Variants in SUMF1 observed in about 807,000 individuals in gnomAD.
SUMF1 encodes the protein formylglycine-generating enzyme.
A neutral mutation model predicts 47.6 loss-of-function variants in SUMF1; 48 were observed. That is an observed-to-expected ratio of 1.01 (90% CI 0.80 to 1.28). The LOEUF is 1.28. Ranked by LOEUF, SUMF1 falls within the 50% of genes most tolerant of loss-of-function variation. The probability of loss-of-function intolerance (pLI) is 0.00; values close to 1 mark genes in which losing one functional copy is unlikely to be tolerated. For missense variants in SUMF1, 571 were observed against 485.4 expected (o/e 1.18, Z -1.66); for synonymous variants, 230 against 192.1 (o/e 1.20, Z -1.63).
At chr3:4,278,355 T>C (rs536310716) in intron 8 of SUMF1, among the ~76,000 whole-genome samples, 7 of 152,130 alleles carry the variant, frequency 4.6e-5, no homozygotes, top group East Asian at 3.8e-4. Flanking sequence ...TCATAGGACA[T>C]GCATTAATCT....
intron 8 of SUMF1, among the ~76,000 whole-genome samples, chr3:4,206,265 G>C (rs536680313): frequency 4.2e-4 from 64 of 151,956 alleles, no homozygotes; most frequent in African/African-American, 1.4e-3. Flanking sequence ...TGCCCCAGCT[G>C]TATCTCACTG....
Position 4,410,875 on chromosome 3 carries a change from G to A in SUMF1, c.944C>T (p.Thr315Met), listed in dbSNP as rs146164667. 4.8e-5 allele frequency: 78 copies of A among 1,613,730 alleles called. 1 individual carries two copies. Among genetic ancestry groups the A allele is most frequent in the South Asian group, 5.5e-5 (5 of 91,082 alleles). ...WWTVHHSVEE[T>M]LNPKGPPSGK... ...GTGAATAATACTCACTGGGTTAAGCGTTTCTTCAACAGAATGATGAACAGT... is the reference window on the plus strand; with the variant it reads ...GTGAATAATACTCACTGGGTTAAGCATTTCTTCAACAGAATGATGAACAGT... Residue 315 changes from threonine to methionine, a missense_variant, in exon 7 of 9, where the codon ACG (threonine) becomes ATG (methionine). Transcript: ENST00000272902.
At chr3:4,357,912 C>T (rs1362216157), downstream of SUMF1, among the ~76,000 whole-genome samples, 1 of 152,002 alleles carries the variant, frequency 6.6e-6, no homozygotes, top group Non-Finnish European at 1.5e-5. Context: ...CTGGCCCCGA[C>T]CAACTCTTAC....
chr3:4,072,846 A>C (rs1692307851), intron 8 of SUMF1, among the ~76,000 whole-genome samples: 1 of 152,226 alleles, frequency 6.6e-6, no homozygotes, highest in South Asian at 2.1e-4. Flanking sequence ...GAAAAGACCA[A>C]ACCTACGTTT....
chr3:4,037,597 T>G (rs906848256), intron 9 of SUMF1, among the ~76,000 whole-genome samples: 8 of 152,198 alleles, frequency 5.3e-5, no homozygotes, highest in African/African-American at 1.9e-4. Context: ...TGGATTTTGC[T>G]GTTCTCCCAA....
At chr3:4,421,529 G>C (rs1325717074) in intron 3 of SUMF1, among the ~76,000 whole-genome samples, 1 of 152,124 alleles carries the variant, frequency 6.6e-6, no homozygotes, top group East Asian at 1.9e-4. Flanking sequence ...CCCTAGGCTG[G>C]AGAACAGTGG....
intron 8 of SUMF1, among the ~76,000 whole-genome samples, chr3:4,252,380 C>A (rs946562403): frequency 4.7e-5 from 7 of 148,692 alleles, no homozygotes; most frequent in Non-Finnish European, 7.4e-5. Context: ...ACACACACAC[C>A]CCACTGGCTG....
At chr3:4,174,681 G>C (rs1694918302) in intron 8 of SUMF1, among the ~76,000 whole-genome samples, 1 of 152,142 alleles carries the variant, frequency 6.6e-6, no homozygotes, top group African/African-American at 2.4e-5. Flanking sequence ...CATTGGGACT[G>C]GTTGGACAGT....
rs528015161 is a variant in SUMF1 at position 4,199,609 on chromosome 3, G to C, written c.1015-130864C>G. Among the ~76,000 whole-genome samples, 3 of 152,206 alleles carry C rather than the reference G, an allele frequency of 2.0e-5. No individual in the cohort carries two copies. In the South Asian group the frequency reaches 6.2e-4, roughly 32 times the overall value. On this transcript the variant is annotated intron_variant and NMD_transcript_variant, in intron 8 of 12. Coordinates refer to the SUMF1 transcript ENST00000448413. ...CCATCAGCAATGTATGAGGGCTCCA[G>C]TTTCTTCATAAATCTAAATAACACA...
At chr3:4,417,904 T>C in intron 5 of SUMF1, 106 bp downstream of exon 5, 1 of 1,568,898 alleles carries the variant, frequency 6.4e-7, no homozygotes, top group Non-Finnish European at 8.7e-7. Flanking sequence ...AGAATTATTG[T>C]CGTTATTAAC....
At chr3:4,264,366 C>T (rs1018719932) in intron 8 of SUMF1, among the ~76,000 whole-genome samples, 6 of 152,162 alleles carry the variant, frequency 3.9e-5, no homozygotes, top group East Asian at 1.9e-4. Flanking sequence ...CAAGCCATCG[C>T]GTTCATATTA....
intron 8 of SUMF1, among the ~76,000 whole-genome samples, chr3:4,281,096 G>A (rs972333663): frequency 1.3e-5 from 2 of 152,090 alleles, no homozygotes; most frequent in African/African-American, 2.4e-5. Flanking sequence ...GAAAAGCAGG[G>A]ACTGGGACTT....
intron 3 of SUMF1, among the ~76,000 whole-genome samples, chr3:4,431,371 T>A (rs1025774293): frequency 6.6e-6 from 1 of 152,232 alleles, no homozygotes; most frequent in Admixed American, 6.5e-5. Context: ...TTGAGTGGTG[T>A]CTTTGCTTTA....
chr3:4,049,312 G>A (rs912543015), intron 9 of SUMF1, among the ~76,000 whole-genome samples: 1 of 152,128 alleles, frequency 6.6e-6, no homozygotes, highest in Non-Finnish European at 1.5e-5. Flanking sequence ...AGGTAATGCT[G>A]TATCACTTCT....
At chr3:4,252,906 T>A (rs1386423382) in intron 8 of SUMF1, among the ~76,000 whole-genome samples, 3 of 152,198 alleles carry the variant, frequency 2.0e-5, no homozygotes, top group Non-Finnish European at 2.9e-5. Context: ...GATCCTGGTG[T>A]ATTCGTATCT....
chr3:4,035,399 G>C (rs545405461), intron 9 of SUMF1, among the ~76,000 whole-genome samples: 1 of 152,068 alleles, frequency 6.6e-6, no homozygotes, highest in African/African-American at 2.4e-5. Flanking sequence ...CTGCCTCTGC[G>C]TTCATGTGAG....
intron 8 of SUMF1, among the ~76,000 whole-genome samples, chr3:4,171,582 G>C (rs1427281675): frequency 6.6e-6 from 1 of 152,120 alleles, no homozygotes; most frequent in Non-Finnish European, 1.5e-5. Flanking sequence ...CTATTCTTAG[G>C]AGAATCTGAA....
intron 8 of SUMF1, among the ~76,000 whole-genome samples, chr3:4,266,716 T>G (rs1450339372): frequency 4.6e-5 from 7 of 150,542 alleles, no homozygotes; most frequent in African/African-American, 1.7e-4. Context: ...TACCCTTTAT[T>G]TCCTTCTCCT....
intron 1 of SUMF1, among the ~76,000 whole-genome samples, chr3:4,462,293 A>G (rs2079833036): frequency 6.6e-6 from 1 of 152,186 alleles, no homozygotes; most frequent in Admixed American, 6.5e-5. Flanking sequence ...TCATCTTTGA[A>G]CTTTTGCTGG....
Sources: gnomAD v4.1 joint callset for allele counts (sites outside exome capture counted in the v4.1 genomes callset) on GRCh38, gnomAD v4.1.1 for gene constraint, MANE v1.5 for transcripts, NCBI Gene and HGNC (gene_info 2026-07-23, HGNC 2026-07-21) for gene names.